The following ITGAE variants were observed in gnomAD, a reference collection of about 807,000 sequenced individuals.
The protein encoded by ITGAE is integrin alpha-E.
Under a neutral mutation model 136.5 loss-of-function variants are expected in ITGAE, and 99 were observed. The observed-to-expected ratio is 0.73, with a 90% CI of 0.62 to 0.86. The LOEUF is 0.86. ITGAE is among the 40% of genes least tolerant of loss of function. The pLI, the probability that ITGAE is intolerant of heterozygous loss-of-function variation, is 0.00. For missense variants in ITGAE, 1,447 were observed against 1,515.3 expected (o/e 0.95, Z 0.75); for synonymous variants, 613 against 591.8 (o/e 1.04, Z -0.52).
At chr17:3,740,853 T>C (rs1361207559) in intron 19 of ITGAE, among the ~76,000 whole-genome samples, 2 of 152,142 alleles carry the variant, frequency 1.3e-5, no homozygotes, top group Non-Finnish European at 2.9e-5. Flanking sequence ...GGCAGCCAGC[T>C]CCTCGGCTGG....
chr17:3,725,647 C>A (rs1173132578), intron 26 of ITGAE: 8 of 1,602,334 alleles, frequency 5.0e-6, no homozygotes, highest in Non-Finnish European at 6.8e-6. Context: ...TCTTACCCTC[C>A]CTTGCTCCTC....
Position 3,761,536 on chromosome 17 carries a change from G to A in ITGAE, c.316-16C>T, listed in dbSNP as rs1251041912. On this transcript the variant is annotated splice_polypyrimidine_tract_variant and intron_variant, in intron 4 of 30. Coordinates refer to ENST00000263087, the MANE Select transcript of ITGAE (RefSeq NM_002208.5). ...GAATGCATATCTGTGGGAGGGAAGA[G>A]AGGGTGGGGAAACACCAGGTCACCT... 2 of 1,601,946 alleles carry A rather than the reference G, an allele frequency of 1.2e-6. No individual in the cohort carries two copies. The highest frequency in any genetic ancestry group is 8.5e-7 in the Non-Finnish European group (1 of 1,173,264).
chr17:3,792,342 G>A (rs983463253), intron 1 of ITGAE, among the ~76,000 whole-genome samples: 1 of 152,058 alleles, frequency 6.6e-6, no homozygotes, highest in African/African-American at 2.4e-5. Flanking sequence ...GGCTGGTATT[G>A]AACTCCTCAG....
Position 3,739,896 on chromosome 17 carries a change from G to C in ITGAE, c.2449-18C>G. 6.2e-7 allele frequency: 1 copy of C among 1,605,868 alleles called. No individual in the cohort carries two copies. Among genetic ancestry groups the C allele is most frequent in the Non-Finnish European group, 8.5e-7 (1 of 1,172,474 alleles). On this transcript the variant is annotated intron_variant, in intron 19 of 30. Transcript: ENST00000263087. Reference sequence around the variant, plus strand: ...TAGGGCAGCTGTAACCAGACAGAGAGTCCCGATCAGCCCAGGCTCCGCCTT... The same window carrying C: ...TAGGGCAGCTGTAACCAGACAGAGACTCCCGATCAGCCCAGGCTCCGCCTT...
chr17:3,800,405 C>T (rs1216365884), intron 1 of ITGAE, among the ~76,000 whole-genome samples: 2 of 152,190 alleles, frequency 1.3e-5, no homozygotes, highest in Admixed American at 1.3e-4. Flanking sequence ...TAGGCAGGAC[C>T]ACCCTGGCCT....
intron 18 of ITGAE, among the ~76,000 whole-genome samples, 171 bp from the exon 19 acceptor site, chr17:3,743,788 C>T (rs536038964): frequency 8.9e-5 from 13 of 146,598 alleles, no homozygotes; most frequent in Non-Finnish European, 1.3e-4. Flanking sequence ...CTGCAACCTC[C>T]GCCTCCCGGG....
At chr17:3,747,608 C>G (rs1385612155) in intron 17 of ITGAE, among the ~76,000 whole-genome samples, 1 of 152,192 alleles carries the variant, frequency 6.6e-6, no homozygotes, top group Non-Finnish European at 1.5e-5. Flanking sequence ...CGCGCCCGGC[C>G]TTCTGAGTCT....
chr17:3,754,285 T>C (rs1444045361), intron 12 of ITGAE, among the ~76,000 whole-genome samples: 2 of 152,238 alleles, frequency 1.3e-5, no homozygotes, highest in Middle Eastern at 3.4e-3. Flanking sequence ...TATTTATTTA[T>C]TTTTGAGACA....
intron 1 of ITGAE, among the ~76,000 whole-genome samples, chr17:3,786,262 G>C (rs184080116): frequency 4.2e-4 from 63 of 149,700 alleles, no homozygotes; most frequent in African/African-American, 1.5e-3. Flanking sequence ...CCTTGAAATA[G>C]AAATGCACCA....
chr17:3,754,076 G>C (rs1030743708), intron 12 of ITGAE, 151 bp from the exon 13 acceptor site: 13 of 830,602 alleles, frequency 1.6e-5, no homozygotes, highest in African/African-American at 5.2e-5. Context: ...TTAAAAATCG[G>C]CATCAGCGAG....
chr17:3,793,104 T>C (rs1247258454), intron 1 of ITGAE, among the ~76,000 whole-genome samples: 1 of 152,018 alleles, frequency 6.6e-6, no homozygotes, highest in African/African-American at 2.4e-5. Context: ...CAGGCTGGAA[T>C]GCAGTGGCAC....
intron 20 of ITGAE, among the ~76,000 whole-genome samples, chr17:3,735,315 G>A (rs220464): frequency 0.25 from 37,796 of 152,038 alleles, 7,544 homozygotes; most frequent in African/African-American, 0.55. Context: ...TTACAGGCAC[G>A]CGCCACCATG....
At chr17:3,794,961 T>C (rs961687493) in intron 1 of ITGAE, among the ~76,000 whole-genome samples, 3 of 152,190 alleles carry the variant, frequency 2.0e-5, no homozygotes, top group Non-Finnish European at 4.4e-5. Flanking sequence ...CTCTGCACAC[T>C]CCTGCCTCCA....
intron 2 of ITGAE, among the ~76,000 whole-genome samples, chr17:3,772,802 C>A (rs2052457630): frequency 6.6e-6 from 1 of 152,114 alleles, no homozygotes; most frequent in Non-Finnish European, 1.5e-5. Context: ...AACCAGGATC[C>A]AGAAAGGACT....
At chr17:3,750,239 A>G in intron 16 of ITGAE, 113 bp downstream of exon 16, 1 of 1,451,548 alleles carries the variant, frequency 6.9e-7, no homozygotes, top group Non-Finnish European at 9.3e-7. Flanking sequence ...CTGTGCCCAC[A>G]ACCACGGTGC....
rs1010904736 is a variant in ITGAE, at chr17:3,756,181, A to G, written c.1172-284T>C. 5.3e-4 allele frequency among the ~76,000 whole-genome samples: 78 copies of G among 146,390 alleles called. 2 individuals carry two copies. Among genetic ancestry groups the G allele is most frequent in the Non-Finnish European group, 9.0e-5 (6 of 67,028 alleles). ...CACCAGCTCAGTTCATCAGAGCTTCATGGAGATTCTGGGACGCAAGGAGGC... is the reference window on the plus strand; with the variant it reads ...CACCAGCTCAGTTCATCAGAGCTTCGTGGAGATTCTGGGACGCAAGGAGGC... On this transcript the variant is annotated intron_variant, in intron 10 of 30. Coordinates refer to ENST00000263087, the MANE Select transcript of ITGAE (RefSeq NM_002208.5).
At chr17:3,761,381 C>A (rs1567541179) in intron 5 of ITGAE, 22 bp downstream of exon 5, 10 of 1,599,144 alleles carry the variant, frequency 6.3e-6, no homozygotes, top group Non-Finnish European at 8.5e-6. Flanking sequence ...CTATCCAAGG[C>A]CAGTGAATGT....
intron 26 of ITGAE, 115 bp downstream of exon 26, chr17:3,727,804 C>A (rs942657442): frequency 2.1e-5 from 15 of 720,472 alleles, no homozygotes; most frequent in Non-Finnish European, 3.2e-5. Flanking sequence ...TACTCCTAAT[C>A]TTTTCCCATG....
chr17:3,795,278 A>G (rs1405077788), intron 1 of ITGAE, among the ~76,000 whole-genome samples: 1 of 152,196 alleles, frequency 6.6e-6, no homozygotes, highest in African/African-American at 2.4e-5. Flanking sequence ...AGTCACACAC[A>G]ACACCCCCAG....
Sources: allele counts gnomAD v4.1 joint callset (sites outside exome capture counted in the v4.1 genomes callset), GRCh38; gene constraint gnomAD v4.1.1; transcripts MANE v1.5; gene names NCBI Gene and HGNC (gene_info 2026-07-23, HGNC 2026-07-21).